The following COG5 variants were observed in gnomAD, a reference collection of about 807,000 sequenced individuals.
The protein encoded by COG5 is component of oligomeric golgi complex 5.
In COG5, 86 loss-of-function variants were observed where a neutral mutation model predicts 110.4. The ratio of observed to expected loss-of-function variants is 0.78; its 90% CI spans 0.65 to 0.93. The LOEUF (loss-of-function observed/expected upper bound fraction) is 0.93. Ranked by LOEUF, COG5 falls within the 40% of genes least tolerant of loss-of-function variation. COG5 has a pLI of 0.00. For missense variants in COG5, 1,077 were observed against 987.0 expected (o/e 1.09, Z -1.22); for synonymous variants, 360 against 334.6 (o/e 1.08, Z -0.83).
intron 2 of COG5, among the ~76,000 whole-genome samples, chr7:107,556,641 G>A (rs991989856): frequency 6.6e-6 from 1 of 152,098 alleles, no homozygotes; most frequent in African/African-American, 2.4e-5. Context: ...AACAGGCCTC[G>A]CTTGCCTACC....
intron 6 of COG5, among the ~76,000 whole-genome samples, chr7:107,477,468 T>C (rs1263597205): frequency 2.0e-5 from 3 of 151,782 alleles, no homozygotes; most frequent in Non-Finnish European, 3.0e-5. Flanking sequence ...TCATGCCTTC[T>C]TGTCCTCTGT....
intron 16 of COG5, among the ~76,000 whole-genome samples, chr7:107,254,713 T>C (rs1802756392): frequency 6.6e-6 from 1 of 152,170 alleles, no homozygotes; most frequent in Non-Finnish European, 1.5e-5. Context: ...CTTTGTTGTC[T>C]GTCAAAAATA....
At chr7:107,457,660 A>T (rs1215585149) in intron 6 of COG5, among the ~76,000 whole-genome samples, 1 of 151,772 alleles carries the variant, frequency 6.6e-6, no homozygotes, top group Non-Finnish European at 1.5e-5. Flanking sequence ...CGATCTCCTG[A>T]AGTCGTGATC....
intron 11 of COG5, among the ~76,000 whole-genome samples, chr7:107,317,574 T>A (rs1584669360): frequency 6.6e-6 from 1 of 152,182 alleles, no homozygotes; most frequent in Admixed American, 6.5e-5. Flanking sequence ...GCCTCATAAC[T>A]GGGAAATAAA....
At chr7:107,358,820 C>A (rs142385752) in intron 10 of COG5, among the ~76,000 whole-genome samples, 134 of 152,198 alleles carry the variant, frequency 8.8e-4, no homozygotes, top group East Asian at 3.9e-3. Context: ...TAACTTGCTA[C>A]TGGAATAATC....
At chr7:107,452,685 G>A (rs1047064529) in intron 6 of COG5, among the ~76,000 whole-genome samples, 5 of 152,274 alleles carry the variant, frequency 3.3e-5, no homozygotes, top group African/African-American at 1.2e-4. Context: ...CCAGCCATGT[G>A]AAACTGTAAG....
In COG5 at chr7:107,210,592, G is replaced by T. The variant is rs1481104744; in HGVS notation, c.2309C>A (p.Ser770Tyr). 1 of 1,602,450 alleles carries T rather than the reference G, an allele frequency of 6.2e-7. No homozygotes were observed. The highest frequency in any genetic ancestry group is 8.5e-7 in the Non-Finnish European group (1 of 1,174,370). ...CAGCCACTGAGAGAAGCGTGTGTGG[G>T]ACCACTCTGCCCTCTGCAGGGTTGA... The part of the protein sequence containing the change: ...LKSPFQRAEW[S>Y]HTRFSQWLDD... Residue 770 changes from serine (S) to tyrosine (Y), a missense_variant, in exon 21 of 22, where the codon TCC becomes TAC. Transcript: ENST00000297135.
At chr7:107,397,977 T>C (rs574634900) in intron 7 of COG5, among the ~76,000 whole-genome samples, 4 of 152,146 alleles carry the variant, frequency 2.6e-5, no homozygotes, top group Admixed American at 6.5e-5. Flanking sequence ...ACTTTCTCTA[T>C]GGAAAAAAAA....
chr7:107,558,093 G>T lies in COG5; in HGVS notation c.117C>A (p.Asn39Lys), dbSNP rs138518242. The change falls in exon 2 of 22, where the codon AAC (asparagine) becomes AAA (lysine). Residue 39 changes from asparagine (N) to lysine (K), a missense_variant. Asn to Lys is a moderately conservative substitution (Grantham distance 94, BLOSUM62 0). Transcript: ENST00000297135. ...LQDGCYSDFL[N>K]EDFDVKTYTS... ...TATAAGTCTTTACATCAAAGTCTTC[G>T]TTTAAAAAGTCACTATAACACCCTG... 1.2e-6 allele frequency: 2 copies of T among 1,613,666 alleles called. No homozygotes were observed. The highest frequency in any genetic ancestry group is 1.3e-5 in the African/African-American group (1 of 75,000).
chr7:107,361,096 A>G (rs566415327), intron 10 of COG5, among the ~76,000 whole-genome samples: 1 of 152,198 alleles, frequency 6.6e-6, no homozygotes, highest in South Asian at 2.1e-4. Flanking sequence ...AATTACCTAT[A>G]CCATAACACT....
intron 17 of COG5, among the ~76,000 whole-genome samples, chr7:107,244,317 A>T (rs1211477512): frequency 1.3e-5 from 2 of 152,222 alleles, no homozygotes; most frequent in African/African-American, 4.8e-5. Context: ...TCTCTGGGAC[A>T]CAGCTAAGGC....
chr7:107,525,442 A>G (rs1800659535), intron 6 of COG5, among the ~76,000 whole-genome samples: 1 of 152,132 alleles, frequency 6.6e-6, no homozygotes, highest in South Asian at 2.1e-4. Context: ...TGGTGCACAG[A>G]TATTAAATGT....
At chr7:107,265,669 T>A (rs1803739053) in intron 14 of COG5, among the ~76,000 whole-genome samples, 1 of 152,222 alleles carries the variant, frequency 6.6e-6, no homozygotes, top group Admixed American at 6.5e-5. Context: ...TAGTTTATTA[T>A]AACTTGTCAA....
chr7:107,366,535 C>T (rs182139778), intron 8 of COG5, among the ~76,000 whole-genome samples: 8 of 152,072 alleles, frequency 5.3e-5, no homozygotes, highest in South Asian at 2.1e-4. Flanking sequence ...TGACACACAG[C>T]GTTCAACTGA....
intron 5 of COG5, among the ~76,000 whole-genome samples, chr7:107,536,055 C>T (rs1344750245): frequency 6.6e-6 from 1 of 152,142 alleles, no homozygotes; most frequent in Non-Finnish European, 1.5e-5. Context: ...ATGACAAAAA[C>T]CACATGATTA....
chr7:107,495,963 T>TA (rs398111696), intron 6 of COG5, among the ~76,000 whole-genome samples: 1 of 151,658 alleles, frequency 6.6e-6, no homozygotes, highest in Non-Finnish European at 1.5e-5. Flanking sequence ...TTTTTTTTTT[T>TA]AAGAGACAAG....
At chr7:107,562,976 C>T (rs1379565520) in intron 1 of COG5, among the ~76,000 whole-genome samples, 1 of 152,010 alleles carries the variant, frequency 6.6e-6, no homozygotes, top group Non-Finnish European at 1.5e-5. Context: ...AACAAGTATA[C>T]AAATGATTTT....
At chr7:107,268,549 G>T (rs763147776) in intron 14 of COG5, among the ~76,000 whole-genome samples, 1 of 152,180 alleles carries the variant, frequency 6.6e-6, no homozygotes, top group African/African-American at 2.4e-5. Context: ...TAGTTTTAAA[G>T]GATATAATTC....
At chr7:107,523,533 G>A (rs1800485781) in intron 6 of COG5, among the ~76,000 whole-genome samples, 1 of 151,910 alleles carries the variant, frequency 6.6e-6, no homozygotes, top group Non-Finnish European at 1.5e-5. Flanking sequence ...TGTAAACATT[G>A]GCTGGGCGCG....
Sources: allele counts gnomAD v4.1 joint callset (sites outside exome capture counted in the v4.1 genomes callset), GRCh38; gene constraint gnomAD v4.1.1; transcripts MANE v1.5; gene names NCBI Gene and HGNC (gene_info 2026-07-23, HGNC 2026-07-21).